Variants in CNTNAP2 observed in about 807,000 individuals in gnomAD.
The protein encoded by CNTNAP2 is contactin-associated protein-like 2.
Under a neutral mutation model 155.2 loss-of-function variants are expected in CNTNAP2, and 98 were observed. That is an observed-to-expected ratio of 0.63 (90% confidence interval 0.54 to 0.75). The LOEUF (loss-of-function observed/expected upper bound fraction) is 0.75. Among genes scored for constraint, CNTNAP2 ranks in the 30% least tolerant of loss-of-function variants. CNTNAP2 has a pLI of 0.00. For missense variants in CNTNAP2, 1,727 were observed against 1,688.1 expected (o/e 1.02, Z -0.40); for synonymous variants, 651 against 631.2 (o/e 1.03, Z -0.47).
At chr7:147,301,431 T>C (rs1794943304) in intron 9 of CNTNAP2, among the ~76,000 whole-genome samples, 1 of 152,142 alleles carries the variant, frequency 6.6e-6, no homozygotes, top group African/African-American at 2.4e-5. Flanking sequence ...AATCACGCAA[T>C]GTGAGATGTA....
rs1421251344 is a variant in CNTNAP2 at position 146,402,915 on chromosome 7, G to A, written c.97+285942G>A. On this transcript the variant is annotated intron_variant, in intron 1 of 23. Transcript: ENST00000361727. ...AATTATAGTTTACACTTGCATAATT[G>A]CATTTTTATACTTTTGCCTTATTTG... 3.9e-5 allele frequency among the ~76,000 whole-genome samples: 6 copies of A among 152,030 alleles called. No individual in the cohort carries two copies. The East Asian group carries it at 1.2e-3, about 29-fold the overall frequency.
chr7:146,138,322 A>G (rs573175413), intron 1 of CNTNAP2, among the ~76,000 whole-genome samples: 10 of 152,256 alleles, frequency 6.6e-5, no homozygotes, highest in African/African-American at 2.4e-4. Context: ...CCACAGATTT[A>G]TTAAGTATAT....
At chr7:146,411,956 C>A (rs1795873026) in intron 1 of CNTNAP2, among the ~76,000 whole-genome samples, 1 of 152,018 alleles carries the variant, frequency 6.6e-6, no homozygotes, top group Non-Finnish European at 1.5e-5. Flanking sequence ...CCTGCCTCAA[C>A]CTCCCGAGTA....
intron 13 of CNTNAP2, among the ~76,000 whole-genome samples, chr7:147,884,726 T>C (rs1799577247): frequency 1.3e-5 from 2 of 152,130 alleles, no homozygotes; most frequent in African/African-American, 2.4e-5. Context: ...CTGCCACTTA[T>C]TATTGTTATT....
intron 1 of CNTNAP2, among the ~76,000 whole-genome samples, chr7:146,672,603 T>A (rs1033747837): frequency 6.6e-6 from 1 of 152,282 alleles, no homozygotes; most frequent in African/African-American, 2.4e-5. Context: ...TCCTCCTTTT[T>A]GAAAACAAAC....
intron 1 of CNTNAP2, among the ~76,000 whole-genome samples, chr7:146,438,949 A>G (rs1001679425): frequency 2.6e-5 from 4 of 151,564 alleles, no homozygotes; most frequent in Non-Finnish European, 4.4e-5. Context: ...TCTATTCTTC[A>G]GGCTATTTTC....
At chr7:147,580,995 C>G (rs1460036174) in intron 12 of CNTNAP2, among the ~76,000 whole-genome samples, 2 of 152,192 alleles carry the variant, frequency 1.3e-5, no homozygotes, top group African/African-American at 2.4e-5. Context: ...CAATAAAGTT[C>G]TAGAATTTCT....
At chr7:147,841,409 G>A (rs1410605148) in intron 13 of CNTNAP2, among the ~76,000 whole-genome samples, 1 of 152,156 alleles carries the variant, frequency 6.6e-6, no homozygotes, top group Non-Finnish European at 1.5e-5. Flanking sequence ...TAGATAAAAT[G>A]TCATGAGCAC....
At chr7:148,099,980 C>G (rs1201358274) in intron 15 of CNTNAP2, among the ~76,000 whole-genome samples, 2 of 141,830 alleles carry the variant, frequency 1.4e-5, no homozygotes, top group African/African-American at 2.6e-5. Context: ...TTAAGCAATT[C>G]TCTGCCTCAG....
intron 14 of CNTNAP2, among the ~76,000 whole-genome samples, chr7:147,971,507 C>A (rs1425940912): frequency 6.6e-6 from 1 of 152,114 alleles, no homozygotes; most frequent in Non-Finnish European, 1.5e-5. Context: ...TCCTTTCTGT[C>A]CTGGTAGATT....
At chr7:146,295,536 A>T (rs1315301543) in intron 1 of CNTNAP2, among the ~76,000 whole-genome samples, 1 of 152,206 alleles carries the variant, frequency 6.6e-6, no homozygotes, top group Admixed American at 6.5e-5. Flanking sequence ...TAAAATCTAA[A>T]ATATGTGATA....
intron 1 of CNTNAP2, among the ~76,000 whole-genome samples, chr7:146,276,774 A>G (rs1584842936): frequency 6.6e-6 from 1 of 152,210 alleles, no homozygotes; most frequent in African/African-American, 2.4e-5. Context: ...GCGGCATCCT[A>G]TCATCTGAGC....
At chr7:146,146,971 G>A (rs968701349) in intron 1 of CNTNAP2, among the ~76,000 whole-genome samples, 1 of 151,966 alleles carries the variant, frequency 6.6e-6, no homozygotes, top group Non-Finnish European at 1.5e-5. Context: ...CACTTAGTTG[G>A]GCTTCAAGTA....
At chr7:146,495,552 A>ATTTTTT (rs57676970) in intron 1 of CNTNAP2, among the ~76,000 whole-genome samples, 1 of 133,424 alleles carries the variant, frequency 7.5e-6, no homozygotes, top group East Asian at 2.3e-4. Context: ...CTAACAGGTC[A>ATTTTTT]TTTTTTTTTT....
intron 1 of CNTNAP2, among the ~76,000 whole-genome samples, chr7:146,372,072 A>C (rs140736537): frequency 5.1e-4 from 77 of 152,338 alleles, no homozygotes; most frequent in African/African-American, 1.8e-3. Flanking sequence ...TATATTTACA[A>C]AATAGGACAA....
intron 13 of CNTNAP2, among the ~76,000 whole-genome samples, chr7:147,879,018 A>G (rs1479310922): frequency 6.6e-6 from 1 of 152,182 alleles, no homozygotes; most frequent in African/African-American, 2.4e-5. Context: ...TACTAACCAT[A>G]GTTGTTATTG....
intron 1 of CNTNAP2, among the ~76,000 whole-genome samples, chr7:146,720,961 TAC>T (rs1477763335): frequency 2.3e-4 from 29 of 125,002 alleles, no homozygotes; most frequent in African/African-American, 4.7e-4. Context: ...TCTATATATA[TAC>T]AGTATATATA....
chr7:147,910,118 T>C (rs573055352), intron 14 of CNTNAP2, among the ~76,000 whole-genome samples: 119 of 152,338 alleles, frequency 7.8e-4, no homozygotes, highest in African/African-American at 2.7e-3. Context: ...TGGGTCAGCT[T>C]ACTATCCAAC....
At chr7:146,257,747 CT>C (rs1799860906) in intron 1 of CNTNAP2, among the ~76,000 whole-genome samples, 1 of 152,184 alleles carries the variant, frequency 6.6e-6, no homozygotes, top group Non-Finnish European at 1.5e-5. Flanking sequence ...AATAAGGTCA[CT>C]GGACCAGAGA....
Sources: allele counts gnomAD v4.1 joint callset (sites outside exome capture counted in the v4.1 genomes callset), GRCh38; gene constraint gnomAD v4.1.1; transcripts MANE v1.5; gene names NCBI Gene and HGNC (gene_info 2026-07-23, HGNC 2026-07-21).